The following NPR2 variants were observed in gnomAD, a reference collection of about 807,000 sequenced individuals.
NPR2 encodes the protein atrial natriuretic peptide receptor 2.
Under a neutral mutation model 120.7 loss-of-function variants are expected in NPR2, and 49 were observed. The observed-to-expected ratio is 0.41, with a 90% confidence interval of 0.32 to 0.52. The LOEUF (loss-of-function observed/expected upper bound fraction) is 0.52. Among genes scored for constraint, NPR2 ranks in the 20% least tolerant of loss-of-function variants. The pLI, the probability that NPR2 is intolerant of heterozygous loss-of-function variation, is 0.36. For synonymous variants in NPR2, 484 were observed against 519.8 expected (o/e 0.93, Z 0.94); for missense variants, 931 against 1,362.9 (o/e 0.68, Z 4.99).
Position 35,802,092 on chromosome 9 carries a change from C to T in NPR2, c.1632+92C>T, listed in dbSNP as rs1202504358. On this transcript the variant is annotated intron_variant, in intron 9 of 21. Transcript: ENST00000342694. This position sits in a 1 kb window ranked among gnomAD's most constrained non-coding sequence, Gnocchi z 4.2. Reference sequence around the variant, plus strand: ...TGCCCCTGAACCTCTGTCCCTCATACCCGACTCTCTGTGCCCAGCTGAGCT... The same window carrying T: ...TGCCCCTGAACCTCTGTCCCTCATATCCGACTCTCTGTGCCCAGCTGAGCT... 1 of 1,389,020 alleles carries T rather than the reference C, an allele frequency of 7.2e-7. No individual in the cohort carries two copies. The highest frequency in any genetic ancestry group is 1.0e-6 in the Non-Finnish European group (1 of 974,630). 86.0% of individuals were successfully genotyped at this position (1,389,020 alleles called of 1,614,324 possible).
At chr9:35,794,373 G>C (rs1827883075) in intron 2 of NPR2, among the ~76,000 whole-genome samples, 1 of 152,224 alleles carries the variant, frequency 6.6e-6, no homozygotes, top group South Asian at 2.1e-4. Flanking sequence ...GCTATATTGT[G>C]GGGGAGAAAA....
At chr9:35,793,133 G>A in intron 1 of NPR2, 58 bp downstream of exon 1, 1 of 1,490,076 alleles carries the variant, frequency 6.7e-7, no homozygotes, top group Non-Finnish European at 9.0e-7. Context: ...TGTCCCTAAA[G>A]CTCAGCACTG....
chr9:35,806,712 C>T lies in NPR2; in HGVS notation c.2519+174C>T, dbSNP rs751337168. On this transcript the variant is annotated intron_variant, in intron 16 of 21. Transcript: ENST00000342694. This position sits in a 1 kb window ranked among gnomAD's most constrained non-coding sequence, Gnocchi z 4.6. ...TCTGTCTCCACATCAGCTATGCTGCCTTCTTACTGGCTGCCCATCCCTTCT... is the reference window on the plus strand; with the variant it reads ...TCTGTCTCCACATCAGCTATGCTGCTTTCTTACTGGCTGCCCATCCCTTCT... Among the ~76,000 whole-genome samples, 9 of 152,178 alleles carry T rather than the reference C, an allele frequency of 5.9e-5. No homozygotes were observed. Among genetic ancestry groups the T allele is most frequent in the Non-Finnish European group, 7.3e-5 (5 of 68,032 alleles).
rs768101143 is a variant in NPR2 at position 35,794,048 on chromosome 9, C to T, written c.818C>T (p.Pro273Leu). 7.4e-6 allele frequency: 12 copies of T among 1,614,078 alleles called. No individual in the cohort carries two copies. Among genetic ancestry groups the T allele is most frequent in the South Asian group, 1.1e-5 (1 of 91,092 alleles). Reference protein sequence around the residue: ...RAGPTRATGRPWQDNRTREQA... With the variant: ...RAGPTRATGRLWQDNRTREQA... Reference sequence around the variant, plus strand: ...GGCCCCACACGTGCTACAGGCCGGCCCTGGCAGGACAATCGCACCCGGGAA... The same window carrying T: ...GGCCCCACACGTGCTACAGGCCGGCTCTGGCAGGACAATCGCACCCGGGAA... The change falls in exon 2 of 22, where the codon CCC (proline) becomes CTC (leucine). Residue 273 changes from proline (P) to leucine (L), a missense_variant. Coordinates refer to ENST00000342694, the MANE Select transcript of NPR2 (RefSeq NM_003995.4).
In NPR2 at chr9:35,799,686, G is replaced by C; in HGVS notation, c.942G>C (p.Leu314=). Residue 314 remains leucine (L), a synonymous_variant, in exon 3 of 22, where the codon CTG becomes CTC. Transcript: ENST00000342694. ...ATCAGGAATTCCAGAATCGTCTGCT[G>C]ATAAGAGCCCGGGAAGACTTTGGTG... ...PEYQEFQNRL[L]IRAREDFGVE... The C allele has an allele frequency of 6.2e-7, 1 of 1,614,044 alleles. No individual in the cohort carries two copies. The highest frequency in any genetic ancestry group is 8.5e-7 in the Non-Finnish European group (1 of 1,180,012).
chr9:35,801,836 G>C, intron 8 of NPR2, 73 bp downstream of exon 8: 1 of 1,609,596 alleles, frequency 6.2e-7, no homozygotes, highest in Middle Eastern at 1.7e-4. Context: ...ATCTCTCCCA[G>C]CACATTGGCT....
Position 35,793,888 on chromosome 9 carries a change from C to T in NPR2, c.668-10C>T. The T allele has an allele frequency of 1.2e-6, 2 of 1,614,132 alleles. No individual in the cohort carries two copies. Among genetic ancestry groups the T allele is most frequent in the Non-Finnish European group, 1.7e-6 (2 of 1,179,970 alleles). ...CTCAGGGTGCTCCTCTGTCATGTAC[C>T]TGCTCCCAGTTGTGTATATCTGCGG... On this transcript the variant is annotated splice_polypyrimidine_tract_variant and intron_variant, in intron 1 of 21. Coordinates refer to ENST00000342694, the MANE Select transcript of NPR2 (RefSeq NM_003995.4).
At chr9:35,801,503 C>T (rs1341995531) in intron 7 of NPR2, 140 bp from the exon 8 acceptor site, 1 of 899,626 alleles carries the variant, frequency 1.1e-6, no homozygotes, top group Non-Finnish European at 1.9e-6. Context: ...GCCGAGAATG[C>T]AGCCTTATCT....
Position 35,805,785 on chromosome 9 carries a change from G to T in NPR2, c.2048-45G>T, listed in dbSNP as rs1490222210. On this transcript the variant is annotated intron_variant, in intron 13 of 21. Transcript: ENST00000342694. The surrounding 1 kb of genome is among the most constrained non-coding windows in gnomAD (Gnocchi z 4.9). ...GGGATGAGCCCAGGTGGGCTTGGGG[G>T]TGCCCCATTTCGGGGGACCTGGCCA... is the stretch of plus-strand genomic sequence containing the variant. 7 of 1,611,014 alleles carry T rather than the reference G, an allele frequency of 4.3e-6. No individual in the cohort carries two copies. The highest frequency in any genetic ancestry group is 2.2e-5 in the East Asian group (1 of 44,886).
rs1588071863 is a variant in NPR2, at chr9:35,808,267, T to A, written c.2713-242T>A. On this transcript the variant is annotated intron_variant, in intron 18 of 21. Transcript: ENST00000342694. The surrounding 1 kb of genome is among the most constrained non-coding windows in gnomAD (Gnocchi z 4.0). ...CCATGTCCTGCTGCAGACAGGGTGT[T>A]CATTCATTCCGCAAATGTTTACTGA... 3 of 1,614,142 alleles carry A rather than the reference T, an allele frequency of 1.9e-6. No individual in the cohort carries two copies. The African/African-American group carries it at 4.0e-5, about 22-fold the overall frequency.
chr9:35,800,803 CCT>C lies in NPR2; in HGVS notation c.1314_1315del (p.Ala440LeufsTer2). 6.2e-7 allele frequency: 1 copy of C among 1,614,144 alleles called. No individual in the cohort carries two copies. The highest frequency in any genetic ancestry group is 8.5e-7 in the Non-Finnish European group (1 of 1,180,026). ...GGGGCTCCTCCCTCGGACAATCCCC[CCT>C]GTGCCTTTGACTTGGACGACCCATC... On this transcript the variant is annotated frameshift_variant, in exon 6 of 22. Coordinates refer to ENST00000342694, the MANE Select transcript of NPR2 (RefSeq NM_003995.4). LOFTEE classifies it high-confidence loss of function. This position sits in a 1 kb window ranked among gnomAD's most constrained non-coding sequence, Gnocchi z 4.7.
rs1164173267 is a variant in NPR2, at chr9:35,806,780, A to G, written c.2519+242A>G. The stretch of plus-strand genomic sequence containing the variant: ...ACCACACCCTTGCTTCAGCAAGTGT[A>G]TGTAAAACAGTCCCAACTTGAGACA... On this transcript the variant is annotated intron_variant, in intron 16 of 21. Transcript: ENST00000342694. The surrounding 1 kb of genome is among the most constrained non-coding windows in gnomAD (Gnocchi z 4.6). Among the ~76,000 whole-genome samples the G allele has an allele frequency of 3.3e-5, 5 of 152,162 alleles. No homozygotes were observed. The highest frequency in any genetic ancestry group is 1.2e-4 in the African/African-American group (5 of 41,422).
rs775031975 is a variant in NPR2 at position 35,792,810 on chromosome 9, C to T, written c.402C>T (p.Asp134=). The change falls in exon 1 of 22, where the codon GAC becomes GAT. Residue 134 remains aspartate, a synonymous_variant. Coordinates refer to ENST00000342694, the MANE Select transcript of NPR2 (RefSeq NM_003995.4). ...CCTCTGGTTTTTCGGCTAAGAATGA[C>T]CATTATCGTACCCTGGTTCGCACTG... ...AVASGFSAKN[D]HYRTLVRTGP... The T allele has an allele frequency of 1.9e-6, 3 of 1,614,194 alleles. No homozygotes were observed. Among genetic ancestry groups the T allele is most frequent in the South Asian group, 1.1e-5 (1 of 91,092 alleles).
At position 35,793,884 on chromosome 9, in the gene NPR2, G is replaced by A. The variant is rs1195405260; in HGVS notation, c.668-14G>A. The A allele has an allele frequency of 6.2e-7, 1 of 1,614,084 alleles. No homozygotes were observed. The stretch of plus-strand genomic sequence containing the variant: ...CCTTCTCAGGGTGCTCCTCTGTCAT[G>A]TACCTGCTCCCAGTTGTGTATATCT... On this transcript the variant is annotated splice_polypyrimidine_tract_variant and intron_variant, in intron 1 of 21. Transcript: ENST00000342694.
chr9:35,809,100 G>A lies in NPR2; in HGVS notation c.2987-56G>A. The A allele has an allele frequency of 6.7e-7, 1 of 1,486,886 alleles. No individual in the cohort carries two copies. Among genetic ancestry groups the A allele is most frequent in the Non-Finnish European group, 9.4e-7 (1 of 1,065,322 alleles). The allele number at this position is 1,486,886 out of a possible 1,614,324, so 92.1% of individuals were successfully genotyped here. On this transcript the variant is annotated intron_variant, in intron 20 of 21. Transcript: ENST00000342694. This position sits in a 1 kb window ranked among gnomAD's most constrained non-coding sequence, Gnocchi z 4.1. ...TGCTATACAGTATCACCAATTATTT[G>A]ATTGCCTTTTCTTTGATTCCTCATT...
rs587777597 is a variant in NPR2, at chr9:35,801,668, G to A, written c.1462G>A (p.Ala488Thr). ...FRKLMLEKELASMLWRIRWEE... is the reference protein window; with the variant it reads ...FRKLMLEKELTSMLWRIRWEE... ...AAAGCTGATGCTGGAGAAGGAGCTG[G>A]CTAGCATGTTGTGGCGTATTCGCTG... The change falls in exon 8 of 22, where the codon GCT becomes ACT. Residue 488 changes from alanine (A) to threonine (T), a missense_variant. Transcript: ENST00000342694. 7 of 1,614,044 alleles carry A rather than the reference G, an allele frequency of 4.3e-6. No individual in the cohort carries two copies. Among genetic ancestry groups the A allele is most frequent in the African/African-American group, 2.7e-5 (2 of 74,934 alleles).
chr9:35,803,875 T>C (rs1828265745), intron 12 of NPR2, among the ~76,000 whole-genome samples: 1 of 152,232 alleles, frequency 6.6e-6, no homozygotes, highest in South Asian at 2.1e-4. Context: ...GCCAATGTCA[T>C]GCTCAACTAG....
intron 2 of NPR2, among the ~76,000 whole-genome samples, chr9:35,796,628 C>G (rs1827952456): frequency 6.6e-6 from 1 of 152,160 alleles, no homozygotes; most frequent in Admixed American, 6.5e-5. Context: ...TCAGTTCTCC[C>G]CCTCACTGTG....
At chr9:35,797,303 G>A (rs1437023032) in intron 2 of NPR2, among the ~76,000 whole-genome samples, 1 of 152,158 alleles carries the variant, frequency 6.6e-6, no homozygotes, top group East Asian at 1.9e-4. Flanking sequence ...AATAAGCAAT[G>A]ACCAGGCTCT....
Sources: allele counts gnomAD v4.1 joint callset (sites outside exome capture counted in the v4.1 genomes callset), GRCh38; gene constraint gnomAD v4.1.1; non-coding constraint Gnocchi (gnomAD v3.1); transcripts MANE v1.5; gene names NCBI Gene and HGNC (gene_info 2026-07-23, HGNC 2026-07-21).